The following GALNT16 variants were observed in gnomAD, a reference collection of about 807,000 sequenced individuals.
GALNT16 encodes UDP-GalNAc:polypeptide N-acetylgalactosaminyltransferase-like protein 1.
GALNT16 carries 40 observed loss-of-function variants against 76.1 expected under a neutral mutation model. The ratio of observed to expected loss-of-function variants is 0.53; its 90% CI spans 0.41 to 0.68. The LOEUF (loss-of-function observed/expected upper bound fraction) is 0.68, where lower values mean the gene tolerates loss of function less well. Ranked by LOEUF, GALNT16 falls within the 30% of genes least tolerant of loss-of-function variation. The pLI, the probability that GALNT16 is intolerant of heterozygous loss-of-function variation, is 0.00. For synonymous variants in GALNT16, 276 were observed against 285.2 expected (o/e 0.97, Z 0.32); for missense variants, 621 against 731.9 (o/e 0.85, Z 1.75).
chr14:69,326,624 CA>C (rs1231087903), intron 5 of GALNT16, among the ~76,000 whole-genome samples: 2 of 152,080 alleles, frequency 1.3e-5, no homozygotes, highest in East Asian at 3.9e-4. Flanking sequence ...GTGGGGGCAT[CA>C]TGAGACAGGT....
intron 12 of GALNT16, among the ~76,000 whole-genome samples, chr14:69,345,509 A>G (rs2045549803): frequency 6.6e-6 from 1 of 152,156 alleles, no homozygotes; most frequent in African/African-American, 2.4e-5. Context: ...CCAACCCCCC[A>G]GGCCCAGATT....
chr14:69,371,002 A>G, the GALNT16 span, among the ~76,000 whole-genome samples: 1 of 152,332 alleles, frequency 6.6e-6, no homozygotes, highest in Middle Eastern at 3.4e-3. Context: ...AACCAAATAA[A>G]CAGTCCTTAT....
chr14:69,360,813 C>T (rs1162190020), downstream of GALNT16, among the ~76,000 whole-genome samples: 2 of 152,224 alleles, frequency 1.3e-5, no homozygotes, highest in Non-Finnish European at 2.9e-5. Context: ...GATGCATGCT[C>T]AGGTTTGAGA....
At chr14:69,376,193 C>T in the GALNT16 span, among the ~76,000 whole-genome samples, 1 of 152,164 alleles carries the variant, frequency 6.6e-6, no homozygotes, top group African/African-American at 2.4e-5. Context: ...TGAGCCACCA[C>T]ACCTGGCCTA....
At chr14:69,348,325 G>T (rs893548704) in intron 14 of GALNT16, 21 of 540,462 alleles carry the variant, frequency 3.9e-5, no homozygotes, top group Non-Finnish European at 6.5e-5. Context: ...TTTACTGACA[G>T]TCTGTGCTAG....
intron 1 of GALNT16, among the ~76,000 whole-genome samples, chr14:69,314,795 A>G (rs542263779): frequency 2.0e-5 from 3 of 152,308 alleles, no homozygotes; most frequent in Admixed American, 2.0e-4. Context: ...ATCACATTTT[A>G]TTCACCAGGT....
At chr14:69,282,738 TCA>T (rs1159834953) in intron 1 of GALNT16, among the ~76,000 whole-genome samples, 2 of 152,150 alleles carry the variant, frequency 1.3e-5, no homozygotes, top group East Asian at 3.9e-4. Flanking sequence ...CTATCTTGGC[TCA>T]CTACAACGTC....
chr14:69,302,424 A>G (rs1372840521), intron 1 of GALNT16, among the ~76,000 whole-genome samples: 2 of 135,236 alleles, frequency 1.5e-5, no homozygotes, highest in African/African-American at 5.8e-5. Context: ...ACCTAGAATC[A>G]TACTGATTTT....
In GALNT16 at chr14:69,352,343, G is replaced by A. The variant is rs2045649035; in HGVS notation, c.*175G>A. On this transcript the variant is annotated 3_prime_UTR_variant, in exon 15 of 15. Transcript: ENST00000448469. ...AGCTTGTTCTAGGAGGGCGCAGGCGGGCACGCCCCGATGCCCTCAGTGCTG... is the reference window on the plus strand; with the variant it reads ...AGCTTGTTCTAGGAGGGCGCAGGCGAGCACGCCCCGATGCCCTCAGTGCTG... 1.6e-6 allele frequency: 1 copy of A among 637,800 alleles called. No homozygotes were observed. Among genetic ancestry groups the A allele is most frequent in the Non-Finnish European group, 2.7e-6 (1 of 375,860 alleles). The allele number at this position is 637,800 out of a possible 1,614,324, so 39.5% of individuals were successfully genotyped here. A position where few individuals can be genotyped will look rare whatever the true frequency, so the allele number is the denominator to read the frequency against.
At chr14:69,366,817 G>A in the GALNT16 span, among the ~76,000 whole-genome samples, 1 of 152,156 alleles carries the variant, frequency 6.6e-6, no homozygotes, top group African/African-American at 2.4e-5. Context: ...AGAAGGCACT[G>A]GGGATTCCAA....
the GALNT16 span, among the ~76,000 whole-genome samples, chr14:69,370,995 C>A: frequency 1.7e-4 from 26 of 152,248 alleles, no homozygotes; most frequent in East Asian, 4.8e-3. Flanking sequence ...TTTTAAAAAC[C>A]AAATAAACAG....
At chr14:69,327,669 C>A (rs1486813838) in intron 5 of GALNT16, among the ~76,000 whole-genome samples, 1 of 152,220 alleles carries the variant, frequency 6.6e-6, no homozygotes, top group Non-Finnish European at 1.5e-5. Context: ...CTCCAAGGAG[C>A]TGCTTATACT....
intron 1 of GALNT16, among the ~76,000 whole-genome samples, chr14:69,301,950 G>A: frequency 6.6e-6 from 1 of 152,136 alleles, no homozygotes; most frequent in East Asian, 1.9e-4. Context: ...GATGGCGCCA[G>A]CTTGGGTGAC....
chr14:69,322,986 G>A (rs1220638720), intron 2 of GALNT16, among the ~76,000 whole-genome samples: 9 of 28,974 alleles, frequency 3.1e-4, no homozygotes, highest in African/African-American at 1.5e-3. Flanking sequence ...GTGTGTGCGC[G>A]CGCACGCGCG....
chr14:69,323,106 G>A (rs1172131588), intron 2 of GALNT16, among the ~76,000 whole-genome samples: 4 of 152,166 alleles, frequency 2.6e-5, no homozygotes, highest in African/African-American at 7.2e-5. Flanking sequence ...TTGCAGCCCT[G>A]CAGGCTGTAG....
At chr14:69,361,997 A>C (rs2045727441), downstream of GALNT16, among the ~76,000 whole-genome samples, 1 of 152,084 alleles carries the variant, frequency 6.6e-6, no homozygotes, top group Non-Finnish European at 1.5e-5. Flanking sequence ...ACAGAATGAG[A>C]CTCCATCTCA....
intron 1 of GALNT16, among the ~76,000 whole-genome samples, chr14:69,271,440 A>C (rs532249129): frequency 2.1e-4 from 32 of 152,326 alleles, no homozygotes; most frequent in Non-Finnish European, 4.0e-4. Context: ...TCTGAGCGAG[A>C]GTGCTCAGAG....
chr14:69,270,307 T>A (rs1042346962), intron 1 of GALNT16, among the ~76,000 whole-genome samples: 1 of 152,176 alleles, frequency 6.6e-6, no homozygotes, highest in Non-Finnish European at 1.5e-5. Context: ...CAGACGGCTC[T>A]GCCCGGCCCA....
rs537861633 is a variant in GALNT16 at position 69,317,487 on chromosome 14, T to C, written c.178-3224T>C. Among the ~76,000 whole-genome samples, 5 of 152,368 alleles carry C rather than the reference T, an allele frequency of 3.3e-5. No homozygotes were observed. In the South Asian group the frequency reaches 1.0e-3, roughly 32 times the overall value. On this transcript the variant is annotated intron_variant, in intron 1 of 14. Coordinates refer to ENST00000448469, the MANE Select transcript of GALNT16 (RefSeq NM_001168368.2). ...GAAAGGGACCAGATGCTTGGATTCC[T>C]GTTCTAGGGGTTATGTTGCCTTTTG...
Sources: gnomAD v4.1 joint callset for allele counts (sites outside exome capture counted in the v4.1 genomes callset) on GRCh38, gnomAD v4.1.1 for gene constraint, MANE v1.5 for transcripts, NCBI Gene and HGNC (gene_info 2026-07-23, HGNC 2026-07-21) for gene names.